RP1L1: variants seen among roughly 807,000 people sequenced by gnomAD.
The protein encoded by RP1L1 is RP1 like 1.
Under a neutral mutation model 15.7 loss-of-function variants are expected in RP1L1, and 27 were observed. The observed-to-expected ratio is 1.72, with a 90% confidence interval of 1.27 to 2.38. The LOEUF (loss-of-function observed/expected upper bound fraction) is 2.38. Ranked by LOEUF, RP1L1 falls within the 30% of genes most tolerant of loss-of-function variation. The probability of loss-of-function intolerance (pLI) is 0.00; values close to 1 mark genes in which losing one functional copy is unlikely to be tolerated. For missense variants in RP1L1, 4,798 were observed against 3,075.9 expected (o/e 1.56, Z -13.24); for synonymous variants, 1,813 against 1,276.7 (o/e 1.42, Z -8.96).
chr8:10,611,162 G>A lies in RP1L1; in HGVS notation c.2936C>T (p.Thr979Ile). 1 of 1,612,952 alleles carries A rather than the reference G, an allele frequency of 6.2e-7. No individual in the cohort carries two copies. The highest frequency in any genetic ancestry group is 8.5e-7 in the Non-Finnish European group (1 of 1,180,028). The change falls in exon 4 of 4, where the codon ACC becomes ATC. Residue 979 changes from threonine (T) to isoleucine (I), a missense_variant. By Grantham distance (89) the Thr-to-Ile change is moderately conservative. Transcript: ENST00000382483. ...CAGGCCACCCCCAGCTGCACCTGTG[G>A]TCTCGTCCGCCAACTCATATGTCAT... The part of the protein sequence containing the change: ...ILMTYELADE[T>I]TGAAGGGLRG...
intron 1 of RP1L1, among the ~76,000 whole-genome samples, chr8:10,630,601 G>A (rs1483550061): frequency 6.6e-6 from 1 of 152,218 alleles, no homozygotes; most frequent in Admixed American, 6.5e-5. Flanking sequence ...AGAGAAGGGA[G>A]CTTTGCACCT....
intron 1 of RP1L1, among the ~76,000 whole-genome samples, chr8:10,628,006 C>G (rs1463000143): frequency 6.6e-6 from 1 of 152,218 alleles, no homozygotes; most frequent in East Asian, 1.9e-4. Context: ...CTCATGCCTC[C>G]TGGCATTTAT....
chr8:10,610,417 C>A lies in RP1L1; in HGVS notation c.3681G>T (p.Gly1227=). The A allele has an allele frequency of 6.2e-7, 1 of 1,613,912 alleles. No homozygotes were observed. Among genetic ancestry groups the A allele is most frequent in the Non-Finnish European group, 8.5e-7 (1 of 1,180,024 alleles). Residue 1227 remains glycine (G), a synonymous_variant, in exon 4 of 4, where the codon GGG becomes GGT. Coordinates refer to ENST00000382483, the MANE Select transcript of RP1L1 (RefSeq NM_178857.6). ...CAMDGTLVTQ[G]TELPLKTSNQ... Reference sequence around the variant, plus strand: ...TGGAGGTTTTCAGGGGCAGCTCTGTCCCCTGTGTCACCAGGGTGCCGTCCA... The same window carrying A: ...TGGAGGTTTTCAGGGGCAGCTCTGTACCCTGTGTCACCAGGGTGCCGTCCA...
chr8:10,609,234 G>C lies in RP1L1; in HGVS notation c.4864C>G (p.Arg1622Gly), dbSNP rs201695025. 6.2e-7 allele frequency: 1 copy of C among 1,609,124 alleles called. No individual in the cohort carries two copies. The highest frequency in any genetic ancestry group is 8.5e-7 in the Non-Finnish European group (1 of 1,179,818). Residue 1622 changes from arginine to glycine, a missense_variant, in exon 4 of 4, where the codon CGG becomes GGG. Coordinates refer to ENST00000382483, the MANE Select transcript of RP1L1 (RefSeq NM_178857.6). The stretch of plus-strand genomic sequence containing the variant: ...GAGAGGGGCCCCAGGCCCAGGGTCC[G>C]CTCAGAGAAGGCCGAGAGGTTTCGC... ...GLRNLSAFSE[R>G]TLGLGPLSFT...
chr8:10,613,162 C>A lies in RP1L1; in HGVS notation c.936G>T (p.Lys312Asn). 4.3e-6 allele frequency: 7 copies of A among 1,613,796 alleles called. No homozygotes were observed. Among genetic ancestry groups the A allele is most frequent in the Non-Finnish European group, 5.9e-6 (7 of 1,179,994 alleles). Residue 312 changes from lysine to asparagine, a missense_variant, in exon 4 of 4, where the codon AAG becomes AAT. Coordinates refer to ENST00000382483, the MANE Select transcript of RP1L1 (RefSeq NM_178857.6). ...PLVAGDDMKK[K>N]VRMNEDGSLS... ...GGCTGCCGTCCTCATTCATGCGGAC[C>A]TTCTTCTTCATGTCATCGCCAGCCA...
chr8:10,614,117 C>G (rs1436323148), intron 3 of RP1L1, among the ~76,000 whole-genome samples: 2 of 152,176 alleles, frequency 1.3e-5, no homozygotes, highest in African/African-American at 4.8e-5. Context: ...TGCTCCTGGC[C>G]CTCCTCATGC....
At chr8:10,646,649 T>C (rs1437296461) in intron 1 of RP1L1, among the ~76,000 whole-genome samples, 4 of 151,942 alleles carry the variant, frequency 2.6e-5, no homozygotes, top group Non-Finnish European at 1.5e-5. Flanking sequence ...CCAGCCCCTC[T>C]AAAGTCCAGG....
At chr8:10,636,599 C>T (rs1490238795) in intron 1 of RP1L1, among the ~76,000 whole-genome samples, 1 of 152,154 alleles carries the variant, frequency 6.6e-6, no homozygotes, top group Non-Finnish European at 1.5e-5. Flanking sequence ...GGATGAAAGG[C>T]GTGGGGGCAA....
chr8:10,633,274 C>A (rs1183601674), intron 1 of RP1L1, among the ~76,000 whole-genome samples: 1 of 152,150 alleles, frequency 6.6e-6, no homozygotes, highest in African/African-American at 2.4e-5. Context: ...ACCTCTCTCT[C>A]CCTCTACTCT....
chr8:10,639,797 C>A (rs762458969), intron 1 of RP1L1, among the ~76,000 whole-genome samples: 1 of 152,158 alleles, frequency 6.6e-6, no homozygotes, highest in Non-Finnish European at 1.5e-5. Flanking sequence ...GGAATCCCCA[C>A]ACGACAAATT....
intron 1 of RP1L1, among the ~76,000 whole-genome samples, chr8:10,626,558 C>T (rs568827882): frequency 2.0e-5 from 3 of 152,204 alleles, no homozygotes; most frequent in Non-Finnish European, 2.9e-5. Context: ...TTTTCAGCAC[C>T]ACCTTCCAGT....
chr8:10,609,949 T>G lies in RP1L1; in HGVS notation c.4149A>C (p.Gly1383=), dbSNP rs1390400458. 6.3e-7 allele frequency: 1 copy of G among 1,596,306 alleles called. No individual in the cohort carries two copies. Among genetic ancestry groups the G allele is most frequent in the Non-Finnish European group, 8.6e-7 (1 of 1,169,058 alleles). The change falls in exon 4 of 4, where the codon GGA becomes GGC. Residue 1383 remains glycine, a synonymous_variant. Coordinates refer to ENST00000382483, the MANE Select transcript of RP1L1 (RefSeq NM_178857.6). ...QLEEVKEGPE[G]GLQGEALEEG... ...CTTCAAGAGCCTCTCCTTGCAGTCC[T>G]CCTTCTGGCCCTTCTTTAACTTCCT...
In RP1L1 at chr8:10,611,702, G is replaced by T. The variant is rs371519198; in HGVS notation, c.2396C>A (p.Thr799Lys). 6 of 1,613,554 alleles carry T rather than the reference G, an allele frequency of 3.7e-6. No homozygotes were observed. The highest frequency in any genetic ancestry group is 1.3e-5 in the African/African-American group (1 of 75,062). The change falls in exon 4 of 4, where the codon ACG becomes AAG. Residue 799 changes from threonine (T) to lysine (K), a missense_variant. By Grantham distance (78) the Thr-to-Lys change is moderately conservative. Transcript: ENST00000382483. ...AASLGEEARDTPQPSSPLVLQ... is the reference protein window; with the variant it reads ...AASLGEEARDKPQPSSPLVLQ... ...AACCAAGGGTGAGGAGGGCTGAGGC[G>T]TGTCCCTGGCCTCTTCCCCCAGGCT...
Position 10,608,682 on chromosome 8 carries a change from G to A in RP1L1, c.5416C>T (p.Gln1806Ter). The A allele has an allele frequency of 6.2e-7, 1 of 1,614,158 alleles. No homozygotes were observed. Among genetic ancestry groups the A allele is most frequent in the African/African-American group, 1.3e-5 (1 of 75,032 alleles). ...GISERGETGGQGSGHEDNLQG... is the reference protein window; with the variant it reads ...GISERGETGG ...AAGTTGTCCTCATGCCCAGAGCCTTGACCCCCAGTTTCTCCCCTTTCACTT... is the reference window on the plus strand; with the variant it reads ...AAGTTGTCCTCATGCCCAGAGCCTTAACCCCCAGTTTCTCCCCTTTCACTT... The change falls in exon 4 of 4, where the codon CAA (glutamine) becomes TAA (stop). Residue 1806 changes from glutamine (Q) to a stop codon, truncating the protein, a stop_gained. Transcript: ENST00000382483. LOFTEE classifies it low-confidence loss of function (END_TRUNC).
At position 10,610,338 on chromosome 8, in the gene RP1L1, G is replaced by T. The variant is rs752101646; in HGVS notation, c.3760C>A (p.Gln1254Lys). The T allele has an allele frequency of 1.7e-5, 28 of 1,614,090 alleles. No individual in the cohort carries two copies. Among genetic ancestry groups the T allele is most frequent in the Non-Finnish European group, 2.0e-5 (24 of 1,180,058 alleles). The change falls in exon 4 of 4, where the codon CAG becomes AAG. Residue 1254 changes from glutamine to lysine, a missense_variant. Gln to Lys is a moderately conservative substitution (Grantham distance 53). Transcript: ENST00000382483. The stretch of plus-strand genomic sequence containing the variant: ...AAGAAGGTTGGGAAACAACACTGCT[G>T]TTGGTTTTCCAGATCCCCTGGGCTC... ...YESPGDLENQ[Q>K]QCCFPTFLNA...
chr8:10,644,285 C>CAAA (rs35056017), intron 1 of RP1L1, among the ~76,000 whole-genome samples: 1 of 132,704 alleles, frequency 7.5e-6, no homozygotes, highest in African/African-American at 2.7e-5. Flanking sequence ...ACCTTCTTCT[C>CAAA]AAAAAAAAAA....
At chr8:10,641,192 C>T (rs7833599) in intron 1 of RP1L1, among the ~76,000 whole-genome samples, 6,685 of 152,224 alleles carry the variant, frequency 0.044, 436 homozygotes, top group African/African-American at 0.14. Flanking sequence ...TCTTGTCCCT[C>T]GCAGTTAGAT....
Position 10,612,570 on chromosome 8 carries a change from C to G in RP1L1, c.1528G>C (p.Ala510Pro). The change falls in exon 4 of 4, where the codon GCA becomes CCA. Residue 510 changes from alanine to proline, a missense_variant. Transcript: ENST00000382483. ...CCTTGCTCTGGGCCGCCCAGCCCTG[C>G]TCCATCTATGCATAGGCCGGGGTCC... ...GEDPGLCIDGAGLGGPEQGGR... is the reference protein window; with the variant it reads ...GEDPGLCIDGPGLGGPEQGGR... 1 of 1,606,916 alleles carries G rather than the reference C, an allele frequency of 6.2e-7. No individual in the cohort carries two copies. Among genetic ancestry groups the G allele is most frequent in the Non-Finnish European group, 8.5e-7 (1 of 1,179,580 alleles).
chr8:10,641,620 T>A (rs983796841), intron 1 of RP1L1, among the ~76,000 whole-genome samples: 1 of 152,232 alleles, frequency 6.6e-6, no homozygotes, highest in African/African-American at 2.4e-5. Context: ...AATGTTATCG[T>A]AATGTAAAAT....
Sources: allele counts gnomAD v4.1 joint callset (sites outside exome capture counted in the v4.1 genomes callset), GRCh38; gene constraint gnomAD v4.1.1; transcripts MANE v1.5; gene names NCBI Gene and HGNC (gene_info 2026-07-23, HGNC 2026-07-21).